Variants in ASIC1 observed in about 807,000 individuals in gnomAD.
The protein encoded by ASIC1 is acid-sensing ion channel 1.
A neutral mutation model predicts 63.4 loss-of-function variants in ASIC1; 21 were observed. The observed-to-expected ratio is 0.33, with a 90% CI of 0.23 to 0.48. The LOEUF is 0.48. Among genes scored for constraint, ASIC1 ranks in the 20% least tolerant of loss-of-function variants. The probability of loss-of-function intolerance (pLI) is 0.99; values close to 1 mark genes in which losing one functional copy is unlikely to be tolerated. For synonymous variants in ASIC1, 258 were observed against 278.2 expected (o/e 0.93, Z 0.72); for missense variants, 478 against 695.5 (o/e 0.69, Z 3.52).
At chr12:50,076,349 C>G (rs1303355076) in intron 3 of ASIC1, among the ~76,000 whole-genome samples, 1 of 152,102 alleles carries the variant, frequency 6.6e-6, no homozygotes, top group Admixed American at 6.5e-5. Flanking sequence ...CACTTGTAAT[C>G]CCAGCTACTT....
chr12:50,059,351 C>G lies in ASIC1; in HGVS notation c.362+223C>G, dbSNP rs1368003013. Among the ~76,000 whole-genome samples the G allele has an allele frequency of 6.6e-6, 1 of 152,182 alleles. No homozygotes were observed. The highest frequency in any genetic ancestry group is 1.9e-4 in the East Asian group (1 of 5,188). On this transcript the variant is annotated intron_variant, in intron 2 of 11. Coordinates refer to ENST00000447966, the MANE Select transcript of ASIC1 (RefSeq NM_001095.4). The surrounding 1 kb of genome is among the most constrained non-coding windows in gnomAD (Gnocchi z 4.6). ...AGCATAGTCCAGAACAGCTCGACCC[C>G]CACCCAGCCTGAGGTATGAGACATT...
intron 3 of ASIC1, among the ~76,000 whole-genome samples, chr12:50,071,866 G>T (rs1376180888): frequency 6.6e-6 from 1 of 152,208 alleles, no homozygotes; most frequent in Non-Finnish European, 1.5e-5. Flanking sequence ...AACTAAAGGT[G>T]GGGAGAAACT....
chr12:50,058,163 A>AC (rs1475839851), intron 1 of ASIC1, among the ~76,000 whole-genome samples: 1 of 148,072 alleles, frequency 6.8e-6, no homozygotes, highest in Non-Finnish European at 1.5e-5. Flanking sequence ...GCAGCCCGCC[A>AC]CCCCCCACTC....
intron 3 of ASIC1, among the ~76,000 whole-genome samples, chr12:50,072,491 C>T (rs962396203): frequency 1.3e-5 from 2 of 151,856 alleles, no homozygotes; most frequent in Admixed American, 6.6e-5. Flanking sequence ...AGACTGAGGC[C>T]GGGAGTCTGC....
rs1184590179 is a variant in ASIC1 at position 50,081,190 on chromosome 12, G to A, written c.1377+9G>A. 6.2e-7 allele frequency: 1 copy of A among 1,610,344 alleles called. No homozygotes were observed. The highest frequency in any genetic ancestry group is 8.5e-7 in the Non-Finnish European group (1 of 1,178,450). On this transcript the variant is annotated intron_variant, in intron 10 of 11. Coordinates refer to ENST00000447966, the MANE Select transcript of ASIC1 (RefSeq NM_001095.4). ...TTGACTACGCCTACGAGGTAAGCGG[G>A]GGCGAGGCCCGGCACGGGGCCACGT... is the stretch of plus-strand genomic sequence containing the variant.
intron 9 of ASIC1, chr12:50,080,807 G>C: frequency 6.1e-6 from 8 of 1,309,316 alleles, no homozygotes; most frequent in Non-Finnish European, 8.5e-6. Context: ...GGGCATGAGG[G>C]AGGGGTAGGC....
intron 3 of ASIC1, among the ~76,000 whole-genome samples, chr12:50,068,232 CATT>C (rs1950564525): frequency 6.6e-6 from 1 of 152,118 alleles, no homozygotes; most frequent in South Asian, 2.1e-4. Flanking sequence ...TATAGTATCT[CATT>C]ATATGAATAT....
intron 11 of ASIC1, 63 bp downstream of exon 11, chr12:50,081,427 T>TGCCCCCCCCCCCC: frequency 1.4e-6 from 2 of 1,411,152 alleles, no homozygotes; most frequent in Non-Finnish European, 1.9e-6. Flanking sequence ...AGGAACCCCG[T>TGCCCCCCCCCCCC]CCACCCCCGC....
chr12:50,074,754 C>A lies in ASIC1; in HGVS notation c.559-2459C>A, dbSNP rs1397377192. Among the ~76,000 whole-genome samples, 1 of 151,974 alleles carries A rather than the reference C, an allele frequency of 6.6e-6. No individual in the cohort carries two copies. The highest frequency in any genetic ancestry group is 1.9e-4 in the East Asian group (1 of 5,182). ...GTAGAGGGGTGGGGATATCCCCCAA[C>A]CCCACCCCACCATGGCCCTTGTCAG... On this transcript the variant is annotated intron_variant, in intron 3 of 11. Transcript: ENST00000447966. The surrounding 1 kb of genome is among the most constrained non-coding windows in gnomAD (Gnocchi z 4.2).
Position 50,081,740 on chromosome 12 carries a change from C to A in ASIC1, c.*91C>A. On this transcript the variant is annotated 3_prime_UTR_variant, in exon 12 of 12. Transcript: ENST00000447966. ...TGCCTCCTCACATCTGCCCTGGGGA[C>A]TCCCCACACTCCGGGGCAGATCTTT... The A allele has an allele frequency of 8.8e-7, 1 of 1,135,970 alleles. No individual in the cohort carries two copies. Among genetic ancestry groups the A allele is most frequent in the Non-Finnish European group, 1.3e-6 (1 of 783,192 alleles). 70.4% of individuals were successfully genotyped at this position (1,135,970 alleles called of 1,614,324 possible). A position where few individuals can be genotyped will look rare whatever the true frequency, so the allele number is the denominator to read the frequency against.
chr12:50,069,406 G>A (rs1013464485), intron 3 of ASIC1, among the ~76,000 whole-genome samples: 1 of 152,040 alleles, frequency 6.6e-6, no homozygotes, highest in African/African-American at 2.4e-5. Flanking sequence ...CAAGTCTCAT[G>A]CCTCAGCCTC....
chr12:50,067,954 G>A (rs1192064961), intron 3 of ASIC1, among the ~76,000 whole-genome samples: 1 of 152,108 alleles, frequency 6.6e-6, no homozygotes, highest in East Asian at 1.9e-4. Flanking sequence ...GTAGTATTTT[G>A]CATATTGCAT....
At chr12:50,058,159 C>T (rs553455913) in intron 1 of ASIC1, among the ~76,000 whole-genome samples, 56 of 152,170 alleles carry the variant, frequency 3.7e-4, no homozygotes, top group Admixed American at 3.0e-3. Flanking sequence ...TCGGGCAGCC[C>T]GCCACCCCCC....
chr12:50,078,137 C>A lies in ASIC1; in HGVS notation c.837+10C>A, dbSNP rs1208519660. The A allele has an allele frequency of 6.2e-6, 10 of 1,609,436 alleles. No individual in the cohort carries two copies. The highest frequency in any genetic ancestry group is 2.2e-5 in the South Asian group (2 of 90,484). On this transcript the variant is annotated intron_variant, in intron 5 of 11. Transcript: ENST00000447966. This position sits in a 1 kb window ranked among gnomAD's most constrained non-coding sequence, Gnocchi z 6.0. ...CTGCCAGGAGCAGCGGGTGAGAGGG[C>A]CATGGGAGGCTGGTCCTGGGGTGGG...
At chr12:50,073,693 T>C in intron 3 of ASIC1, 3 of 1,536,346 alleles carry the variant, frequency 2.0e-6, no homozygotes, top group Non-Finnish European at 2.6e-6. Flanking sequence ...GCAGGACATC[T>C]CAGAATCGGA....
rs1440418621 is a variant in ASIC1 at position 50,082,135 on chromosome 12, C to T, written c.*486C>T. ...CTTCCCCAGCCTTAAGAGACCCTCT[C>T]AGCCCAGTGACTGTCCCCAAACCCA... is the stretch of plus-strand genomic sequence containing the variant. On this transcript the variant is annotated 3_prime_UTR_variant, in exon 12 of 12. Coordinates refer to ENST00000447966, the MANE Select transcript of ASIC1 (RefSeq NM_001095.4). 1.2e-5 allele frequency: 2 copies of T among 163,700 alleles called. No individual in the cohort carries two copies. The highest frequency in any genetic ancestry group is 1.3e-5 in the Non-Finnish European group (1 of 75,108). 10.1% of individuals were successfully genotyped at this position (163,700 alleles called of 1,614,324 possible).
At chr12:50,065,584 A>G (rs148934728) in intron 3 of ASIC1, among the ~76,000 whole-genome samples, 2,432 of 152,350 alleles carry the variant, frequency 0.016, 22 homozygotes, top group Middle Eastern at 0.061. Flanking sequence ...TTTAAAAATG[A>G]TCATGAAGCT....
Position 50,083,272 on chromosome 12 carries a change from A to G in ASIC1, c.*1623A>G, listed in dbSNP as rs1392194754. The G allele has an allele frequency of 6.6e-6, 1 of 152,182 alleles. No homozygotes were observed. The allele number at this position is 152,182 out of a possible 1,614,324, so 9.4% of individuals were successfully genotyped here. A position where few individuals can be genotyped will look rare whatever the true frequency, so the allele number is the denominator to read the frequency against. On this transcript the variant is annotated 3_prime_UTR_variant, in exon 12 of 12. Coordinates refer to ENST00000447966, the MANE Select transcript of ASIC1 (RefSeq NM_001095.4). ...GAAAGCTCTGCTGTTGTCTCACCCT[A>G]TCTTAATGAGAGACAAGTGAGGTGG...
chr12:50,078,689 A>G lies in ASIC1; in HGVS notation c.994+112A>G. On this transcript the variant is annotated intron_variant, in intron 6 of 11. Coordinates refer to ENST00000447966, the MANE Select transcript of ASIC1 (RefSeq NM_001095.4). The surrounding 1 kb of genome is among the most constrained non-coding windows in gnomAD (Gnocchi z 6.0). ...CCCCAGTTCCAGCCCACCCCATCCC[A>G]CACCCACCTGGCTCATGTCTCTCTG... 4 of 1,492,130 alleles carry G rather than the reference A, an allele frequency of 2.7e-6. No individual in the cohort carries two copies. The highest frequency in any genetic ancestry group is 2.8e-6 in the Non-Finnish European group (3 of 1,090,282). 92.4% of individuals were successfully genotyped at this position (1,492,130 alleles called of 1,614,324 possible).
Sources: allele counts gnomAD v4.1 joint callset (sites outside exome capture counted in the v4.1 genomes callset), GRCh38; gene constraint gnomAD v4.1.1; non-coding constraint Gnocchi (gnomAD v3.1); transcripts MANE v1.5; gene names NCBI Gene and HGNC (gene_info 2026-07-23, HGNC 2026-07-21).